USP34: variants seen among roughly 807,000 people sequenced by gnomAD.
USP34 encodes ubiquitin specific peptidase 34, also known as ubiquitin carboxyl-terminal hydrolase 34.
A neutral mutation model predicts 460.3 loss-of-function variants in USP34; 70 were observed. The ratio of observed to expected loss-of-function variants is 0.15; its 90% CI spans 0.13 to 0.19. The LOEUF (loss-of-function observed/expected upper bound fraction) is 0.19. USP34 is among the 10% of genes least tolerant of loss of function. The probability of loss-of-function intolerance (pLI) is 1.00; values close to 1 mark genes in which losing one functional copy is unlikely to be tolerated. For synonymous variants in USP34, 1,647 were observed against 1,405.3 expected, an observed-to-expected ratio of 1.17 and a Z score of -3.85; for missense variants, 3,985 against 4,236.2, an observed-to-expected ratio of 0.94 and a Z score of 1.65.
chr2:61,352,401 A>G (rs376612942), intron 10 of USP34, among the ~76,000 whole-genome samples: 32 of 152,022 alleles, frequency 2.1e-4, no homozygotes, highest in South Asian at 8.3e-4. Flanking sequence ...CATTAATATA[A>G]TGAAATTTCC....
chr2:61,259,639 G>A, intron 44 of USP34, 72 bp downstream of exon 44: 1 of 1,439,398 alleles, frequency 6.9e-7, no homozygotes. Context: ...ACCCACCTTG[G>A]CCTCCCAAAA....
intron 61 of USP34, among the ~76,000 whole-genome samples, chr2:61,228,219 T>TAATGAA (rs1344441341): frequency 6.6e-6 from 1 of 152,254 alleles, no homozygotes; most frequent in Non-Finnish European, 1.5e-5. Flanking sequence ...TCATACAACC[T>TAATGAA]AATGCATTTG....
chr2:61,220,394 G>C lies in USP34; in HGVS notation c.7963C>G (p.Leu2655Val). The C allele has an allele frequency of 1.2e-6, 2 of 1,614,046 alleles. No individual in the cohort carries two copies. The highest frequency in any genetic ancestry group is 1.7e-6 in the Non-Finnish European group (2 of 1,179,948). Residue 2655 changes from leucine to valine, a missense_variant, in exon 67 of 80, where the codon CTG becomes GTG. By Grantham distance (32) the Leu-to-Val change is conservative. This residue lies in a region of USP34 where 604 missense variants were observed against 684.8 expected (regional missense o/e 0.88). Coordinates refer to ENST00000398571, the MANE Select transcript of USP34 (RefSeq NM_014709.4). ...WLAVQTPRNK[L>V]AHSWVLQNME... ...TTCTGTAAGACCCAGCTGTGTGCCA[G>C]TTTATTTCGGGGTGTCTGCACTGCC...
intron 1 of USP34, among the ~76,000 whole-genome samples, chr2:61,467,479 C>T (rs1389784104): frequency 2.6e-5 from 4 of 151,862 alleles, no homozygotes; most frequent in Non-Finnish European, 4.4e-5. Context: ...ATACTAATTA[C>T]GTATTTTTCA....
intron 21 of USP34, 150 bp downstream of exon 21, chr2:61,325,224 AT>A (rs1372213606): frequency 2.2e-5 from 12 of 537,960 alleles, no homozygotes; most frequent in Non-Finnish European, 3.9e-5. Context: ...ATTTGTTACA[AT>A]ACCCTGTAAC....
chr2:61,270,130 T>G (rs1355002909), intron 41 of USP34, among the ~76,000 whole-genome samples: 1 of 152,236 alleles, frequency 6.6e-6, no homozygotes, highest in Non-Finnish European at 1.5e-5. Flanking sequence ...GAAATTTGTA[T>G]GTTGAAACCT....
intron 5 of USP34, among the ~76,000 whole-genome samples, chr2:61,392,974 T>G (rs1333986860): frequency 6.6e-6 from 1 of 152,220 alleles, no homozygotes; most frequent in Non-Finnish European, 1.5e-5. Context: ...CAGGATCACT[T>G]AGGTATTTAG....
At chr2:61,365,645 T>A (rs1463861062) in intron 10 of USP34, among the ~76,000 whole-genome samples, 2 of 151,518 alleles carry the variant, frequency 1.3e-5, no homozygotes, top group Non-Finnish European at 2.9e-5. Context: ...AAAACAGGAG[T>A]TGAGGAAAAA....
intron 1 of USP34, among the ~76,000 whole-genome samples, chr2:61,447,568 T>G (rs1695156129): frequency 6.6e-6 from 1 of 152,304 alleles, no homozygotes; most frequent in African/African-American, 2.4e-5. Flanking sequence ...AGCTCACAAC[T>G]CAAACCACTT....
chr2:61,341,180 T>C (rs1000779272), intron 16 of USP34, among the ~76,000 whole-genome samples: 1 of 152,240 alleles, frequency 6.6e-6, no homozygotes, highest in African/African-American at 2.4e-5. Context: ...AGTTCTTTCC[T>C]TTCTACTGAT....
At chr2:61,396,991 A>C (rs1396431180) in intron 3 of USP34, among the ~76,000 whole-genome samples, 2 of 152,190 alleles carry the variant, frequency 1.3e-5, no homozygotes, top group Admixed American at 1.3e-4. Flanking sequence ...TACAGACAAA[A>C]CACCTGTTAC....
At chr2:61,309,771 G>C (rs557411640) in intron 27 of USP34, among the ~76,000 whole-genome samples, 12 of 152,276 alleles carry the variant, frequency 7.9e-5, no homozygotes, top group African/African-American at 2.9e-4. Flanking sequence ...AGATACTACT[G>C]TTGGATATTC....
At chr2:61,297,069 A>G (rs912342564) in intron 29 of USP34, 144 bp from the exon 30 acceptor site, 8 of 1,076,846 alleles carry the variant, frequency 7.4e-6, no homozygotes, top group Middle Eastern at 3.2e-4. Flanking sequence ...AACATTTGTT[A>G]TATGATACAT....
Position 61,239,314 on chromosome 2 carries a change from A to T in USP34, c.6777+2246T>A, listed in dbSNP as rs916381829. 8.4e-3 allele frequency among the ~76,000 whole-genome samples: 1,039 copies of T among 124,094 alleles called. 16 individuals are homozygous for T. Among genetic ancestry groups the T allele is most frequent in the African/African-American group, 0.026 (967 of 37,226 alleles). The allele number at this position is 124,094 out of a possible 152,430, so 81.4% of individuals were successfully genotyped here. A position where few individuals can be genotyped will look rare whatever the true frequency, so the allele number is the denominator to read the frequency against. On this transcript the variant is annotated intron_variant, in intron 53 of 79. Coordinates refer to ENST00000398571, the MANE Select transcript of USP34 (RefSeq NM_014709.4). ...TGAGGGCCCTGTCACACACACACAC[A>T]CACACACACACACACACACACACAC... is the stretch of plus-strand genomic sequence containing the variant.
chr2:61,458,072 A>T (rs545779177), intron 1 of USP34, among the ~76,000 whole-genome samples: 10 of 152,336 alleles, frequency 6.6e-5, no homozygotes, highest in African/African-American at 2.4e-4. Flanking sequence ...CAGGCACTGT[A>T]AAACAGTAGT....
chr2:61,373,350 C>A (rs916481155), intron 8 of USP34, among the ~76,000 whole-genome samples: 8 of 149,234 alleles, frequency 5.4e-5, no homozygotes, highest in Admixed American at 3.3e-4. Flanking sequence ...CTAATCAAGG[C>A]AGAGATTATA....
intron 46 of USP34, 36 bp downstream of exon 46, chr2:61,257,016 G>T: frequency 6.9e-7 from 1 of 1,446,306 alleles, no homozygotes; most frequent in Non-Finnish European, 9.1e-7. Flanking sequence ...AATATATTAA[G>T]ATCTCCAAAA....
intron 76 of USP34, chr2:61,190,990 T>A (rs1212984763): frequency 5.3e-6 from 1 of 187,694 alleles, no homozygotes; most frequent in Admixed American, 5.6e-5. Context: ...TAACAAAGAA[T>A]AGGATGTGAA....
intron 1 of USP34, among the ~76,000 whole-genome samples, chr2:61,438,235 G>A (rs1225059289): frequency 2.0e-5 from 3 of 152,018 alleles, no homozygotes; most frequent in South Asian, 4.1e-4. Context: ...CTTAGCAATA[G>A]AATGAAGGAC....
Sources: allele counts gnomAD v4.1 joint callset (sites outside exome capture counted in the v4.1 genomes callset), GRCh38; gene constraint gnomAD v4.1.1; regional missense constraint gnomAD v4.1.1; transcripts MANE v1.5; gene names NCBI Gene and HGNC (gene_info 2026-07-23, HGNC 2026-07-21).